The following PDK1 variants were observed in gnomAD, a reference collection of about 807,000 sequenced individuals.
PDK1 encodes the protein [Pyruvate dehydrogenase (acetyl-transferring)] kinase isozyme 1, mitochondrial.
PDK1 carries 39 observed loss-of-function variants against 54.2 expected under a neutral mutation model. That is an observed-to-expected ratio of 0.72 (90% CI 0.56 to 0.94). The LOEUF (loss-of-function observed/expected upper bound fraction) is 0.94. PDK1 is among the 40% of genes least tolerant of loss of function. PDK1 has a pLI of 0.00. For synonymous variants in PDK1, 221 were observed against 207.1 expected (o/e 1.07, Z -0.58); for missense variants, 552 against 566.0 (o/e 0.98, Z 0.25).
chr2:172,672,643 T>C, the PDK1 span, among the ~76,000 whole-genome samples: 1 of 151,996 alleles, frequency 6.6e-6, no homozygotes, highest in Non-Finnish European at 1.5e-5. Context: ...AAAAACAAGA[T>C]GCTTTTCTTT....
At chr2:172,669,181 T>G in the PDK1 span, among the ~76,000 whole-genome samples, 4 of 145,574 alleles carry the variant, frequency 2.7e-5, no homozygotes, top group African/African-American at 1.0e-4. Flanking sequence ...TGCCTCAGCC[T>G]CCCAAGTAGC....
the PDK1 span, among the ~76,000 whole-genome samples, chr2:172,670,746 G>A: frequency 1.3e-5 from 2 of 152,150 alleles, no homozygotes; most frequent in Middle Eastern, 3.2e-3. Context: ...TATTTGTATG[G>A]TGTATTTATT....
chr2:172,622,439 ATC>A, the PDK1 span, among the ~76,000 whole-genome samples: 61 of 148,826 alleles, frequency 4.1e-4, no homozygotes, highest in Non-Finnish European at 6.6e-4. Flanking sequence ...ATATGTTTAT[ATC>A]TCATATATTA....
the PDK1 span, among the ~76,000 whole-genome samples, chr2:172,686,965 T>G: frequency 6.6e-6 from 1 of 152,254 alleles, no homozygotes; most frequent in African/African-American, 2.4e-5. Flanking sequence ...CCTAATTTTT[T>G]AGGAAGAGAA....
chr2:172,722,047 A>G, the PDK1 span, among the ~76,000 whole-genome samples: 3 of 152,250 alleles, frequency 2.0e-5, no homozygotes, highest in African/African-American at 7.2e-5. Context: ...AATTGATGTG[A>G]GCCACTTTCA....
chr2:172,620,701 G>A, the PDK1 span, among the ~76,000 whole-genome samples: 3 of 152,170 alleles, frequency 2.0e-5, no homozygotes, highest in South Asian at 2.1e-4. Context: ...GTGAGTTCTC[G>A]CAAGATCTCG....
rs1028051514 is a variant in PDK1 at position 172,599,951 on chromosome 2, A to G, written c.*3982A>G. The G allele has an allele frequency of 2.6e-5, 4 of 152,226 alleles. No homozygotes were observed. The highest frequency in any genetic ancestry group is 9.6e-5 in the African/African-American group (4 of 41,454). The allele number at this position is 152,226 out of a possible 1,614,324, so 9.4% of individuals were successfully genotyped here. A position where few individuals can be genotyped will look rare whatever the true frequency, so the allele number is the denominator to read the frequency against. The stretch of plus-strand genomic sequence containing the variant: ...CAAAAATACAGAGTTTCACCCCAGT[A>G]AAATAAACTTCCACGTGAGAGTTGT... On this transcript the variant is annotated 3_prime_UTR_variant, in exon 11 of 11. Coordinates refer to ENST00000282077, the MANE Select transcript of PDK1 (RefSeq NM_002610.5).
chr2:172,595,913 G>A lies in PDK1; in HGVS notation c.1255G>A (p.Asp419Asn). 1 of 1,613,860 alleles carries A rather than the reference G, an allele frequency of 6.2e-7. No individual in the cohort carries two copies. The highest frequency in any genetic ancestry group is 8.5e-7 in the Non-Finnish European group (1 of 1,179,844). ...KHYNTNHEAD[D>N]WCVPSREPKD... The stretch of plus-strand genomic sequence containing the variant: ...TTACAACACCAACCACGAGGCTGAT[G>A]ACTGGTGCGTCCCCAGCAGAGAACC... The change falls in exon 11 of 11, where the codon GAC becomes AAC. Residue 419 changes from aspartate to asparagine, a missense_variant. Asp to Asn is a conservative substitution (Grantham distance 23). Coordinates refer to ENST00000282077, the MANE Select transcript of PDK1 (RefSeq NM_002610.5).
the PDK1 span, among the ~76,000 whole-genome samples, chr2:172,622,762 T>TTATGTGAGATATGTTTATATCTC: frequency 6.8e-6 from 1 of 147,264 alleles, no homozygotes; most frequent in East Asian, 2.0e-4. Context: ...TATATCTCAT[T>TTATGTGAGATATGTTTATATCTC]ATGTGAGATG....
chr2:172,688,377 AAT>A, the PDK1 span, among the ~76,000 whole-genome samples: 112 of 151,836 alleles, frequency 7.4e-4, 1 homozygote, highest in Middle Eastern at 3.4e-3. Flanking sequence ...CCAATGTTGA[AAT>A]CCTTAGCAAT....
the PDK1 span, among the ~76,000 whole-genome samples, chr2:172,633,834 A>T: frequency 6.8e-6 from 1 of 147,344 alleles, no homozygotes; most frequent in Non-Finnish European, 1.5e-5. Flanking sequence ...TATGGATTTT[A>T]AAATTTTGCC....
At chr2:172,660,245 C>CTTTTTTTTTTTT in the PDK1 span, among the ~76,000 whole-genome samples, 100 of 55,646 alleles carry the variant, frequency 1.8e-3, 28 homozygotes, top group Non-Finnish European at 2.6e-3. Flanking sequence ...CTCTCTCTCT[C>CTTTTTTTTTTTT]TCTTTTTTTT....
chr2:172,712,490 G>A, the PDK1 span, among the ~76,000 whole-genome samples: 94,499 of 152,068 alleles, frequency 0.62, 31,685 homozygotes, highest in Non-Finnish European at 0.77. Flanking sequence ...GAGCGAGCAC[G>A]GGGTCCAGCC....
chr2:172,679,354 G>A, the PDK1 span, among the ~76,000 whole-genome samples: 5 of 152,074 alleles, frequency 3.3e-5, no homozygotes, highest in Non-Finnish European at 7.4e-5. Flanking sequence ...AGCTGTGGCA[G>A]GAGGATCACT....
In PDK1 at chr2:172,566,944, T is replaced by A; in HGVS notation, c.769+11T>A. ...TTGAAGAACTAAATGGTAAGCCTGA[T>A]GTTGTCTTTTTCTCAATAATTAGTG... On this transcript the variant is annotated intron_variant, in intron 6 of 10. Transcript: ENST00000282077. The A allele has an allele frequency of 1.9e-6, 3 of 1,558,322 alleles. No individual in the cohort carries two copies. The highest frequency in any genetic ancestry group is 1.8e-6 in the Non-Finnish European group (2 of 1,131,804).
At chr2:172,584,372 GT>G (rs149706116) in intron 8 of PDK1, among the ~76,000 whole-genome samples, 12 of 139,234 alleles carry the variant, frequency 8.6e-5, no homozygotes, top group Non-Finnish European at 1.4e-4. Flanking sequence ...CTTTGTAACT[GT>G]TTTTTTTTTG....
chr2:172,641,343 G>A, the PDK1 span, among the ~76,000 whole-genome samples: 4 of 151,848 alleles, frequency 2.6e-5, no homozygotes, highest in African/African-American at 9.7e-5. Context: ...TGTTGCCCAG[G>A]CTTAATCCCA....
At chr2:172,664,172 A>G in the PDK1 span, among the ~76,000 whole-genome samples, 2 of 151,740 alleles carry the variant, frequency 1.3e-5, no homozygotes, top group African/African-American at 4.8e-5. Context: ...TTAGCCGGGC[A>G]TGGTGGCACG....
intron 3 of PDK1, among the ~76,000 whole-genome samples, chr2:172,562,495 G>C (rs1302695820): frequency 6.6e-6 from 1 of 152,214 alleles, no homozygotes; most frequent in African/African-American, 2.4e-5. Context: ...ACAAAGTTCA[G>C]GTGTGATGAT....
Sources: allele counts gnomAD v4.1 joint callset (sites outside exome capture counted in the v4.1 genomes callset), GRCh38; gene constraint gnomAD v4.1.1; transcripts MANE v1.5; gene names NCBI Gene and HGNC (gene_info 2026-07-23, HGNC 2026-07-21).